Variants in RHBDD1 observed in about 807,000 individuals in gnomAD.
The protein encoded by RHBDD1 is rhomboid domain containing 1.
RHBDD1 carries 38 observed loss-of-function variants against 36.3 expected under a neutral mutation model. That is an observed-to-expected ratio of 1.05 (90% CI 0.81 to 1.37). The LOEUF is 1.37. Ranked by LOEUF, RHBDD1 falls within the 40% of genes most tolerant of loss-of-function variation. The pLI is 0.00. For synonymous variants in RHBDD1, 151 were observed against 136.5 expected (o/e 1.11, Z -0.74); for missense variants, 393 against 377.6 (o/e 1.04, Z -0.34).
Position 226,840,088 on chromosome 2 carries a change from G to A in RHBDD1, c.-91+461G>A, listed in dbSNP as rs559393250. On this transcript the variant is annotated intron_variant, in intron 3 of 8. Coordinates refer to ENST00000392062, the MANE Select transcript of RHBDD1 (RefSeq NM_001167608.3). Reference sequence around the variant, plus strand: ...TATTTGTTAGATTGTTACTAATAGTGGTAGTTAGTGATATTACATTGTCTT... The same window carrying A: ...TATTTGTTAGATTGTTACTAATAGTAGTAGTTAGTGATATTACATTGTCTT... 1.7e-3 allele frequency among the ~76,000 whole-genome samples: 254 copies of A among 152,264 alleles called. 3 individuals are homozygous for A. The South Asian group carries it at 0.043, about 26-fold the overall frequency.
intron 8 of RHBDD1, among the ~76,000 whole-genome samples, chr2:226,942,903 T>C (rs368075438): frequency 2.6e-5 from 4 of 152,240 alleles, no homozygotes; most frequent in African/African-American, 9.6e-5. Flanking sequence ...GTTGAGCTAT[T>C]TCCCATTACT....
intron 3 of RHBDD1, among the ~76,000 whole-genome samples, chr2:226,845,844 G>T (rs926063692): frequency 6.6e-6 from 1 of 152,230 alleles, no homozygotes; most frequent in Non-Finnish European, 1.5e-5. Flanking sequence ...ACAGGAAGCT[G>T]ATCTGTGTAA....
intron 8 of RHBDD1, among the ~76,000 whole-genome samples, chr2:226,953,275 T>TA (rs1213696588): frequency 6.6e-6 from 1 of 152,196 alleles, no homozygotes; most frequent in Non-Finnish European, 1.5e-5. Flanking sequence ...GAGCACCAGT[T>TA]AGAGACGATT....
At chr2:226,990,645 GTAAAATGCAGAGGCTACTGCATTTTACA>G (rs1224902836) in intron 8 of RHBDD1, among the ~76,000 whole-genome samples, 1 of 152,172 alleles carries the variant, frequency 6.6e-6, no homozygotes, top group Non-Finnish European at 1.5e-5. Context: ...TCCCTTAGAT[GTAAAATGCAGAGGCTACTGCATTTTACA>G]TAAGGGTAGA....
At chr2:226,871,023 C>T (rs972083781) in intron 5 of RHBDD1, among the ~76,000 whole-genome samples, 2 of 152,064 alleles carry the variant, frequency 1.3e-5, no homozygotes, top group Non-Finnish European at 2.9e-5. Context: ...GAAAGCATTA[C>T]CCCCTAGGCT....
intron 5 of RHBDD1, among the ~76,000 whole-genome samples, chr2:226,899,811 G>C (rs1163783914): frequency 1.3e-5 from 2 of 152,172 alleles, no homozygotes; most frequent in African/African-American, 4.8e-5. Flanking sequence ...AAAGAACTAT[G>C]AAACATTGTA....
chr2:226,829,880 T>C, the RHBDD1 span, among the ~76,000 whole-genome samples: 2 of 152,182 alleles, frequency 1.3e-5, no homozygotes, highest in African/African-American at 4.8e-5. Flanking sequence ...AAACCTCCAG[T>C]ACAACATAAG....
Position 226,867,234 on chromosome 2 carries a change from G to C in RHBDD1, c.482G>C (p.Gly161Ala). Residue 161 changes from glycine to alanine, a missense_variant, in exon 5 of 9, where the codon GGC becomes GCC. Transcript: ENST00000392062. ...KVLNNHYCPGGFVNILGFPVP... is the reference protein window; with the variant it reads ...KVLNNHYCPGAFVNILGFPVP... ...CTTAACAACCATTATTGCCCTGGAG[G>C]CTTTGTCAACATTTTGGGCTTTCCT... 2 of 1,613,216 alleles carry C rather than the reference G, an allele frequency of 1.2e-6. No individual in the cohort carries two copies. Among genetic ancestry groups the C allele is most frequent in the South Asian group, 1.1e-5 (1 of 90,886 alleles).
chr2:226,852,143 G>T (rs562885267), intron 3 of RHBDD1, among the ~76,000 whole-genome samples: 102 of 152,292 alleles, frequency 6.7e-4, no homozygotes, highest in Admixed American at 2.1e-3. Flanking sequence ...GGATAGAACT[G>T]ATGATCAAGT....
intron 3 of RHBDD1, among the ~76,000 whole-genome samples, chr2:226,844,909 T>G (rs1044937711): frequency 6.6e-6 from 1 of 152,326 alleles, no homozygotes; most frequent in Admixed American, 6.5e-5. Context: ...ATCTGGTAAT[T>G]TCATTTTTTA....
At chr2:226,944,104 T>C (rs566707765) in intron 8 of RHBDD1, among the ~76,000 whole-genome samples, 6 of 152,306 alleles carry the variant, frequency 3.9e-5, no homozygotes, top group Non-Finnish European at 8.8e-5. Context: ...GAGTGCCTCT[T>C]AAATCAGTTG....
Position 226,943,189 on chromosome 2 carries a change from G to A in RHBDD1, c.856+28838G>A, listed in dbSNP as rs182092507. Among the ~76,000 whole-genome samples the A allele has an allele frequency of 1.6e-3, 240 of 152,278 alleles. 1 individual carries two copies. The highest frequency in any genetic ancestry group is 3.4e-3 in the Middle Eastern group (1 of 294). ...ATGGAGAGCCAGATGTGAGAGTCAC[G>A]TATTTGTGTATCTTCACTAATCTCA... is the stretch of plus-strand genomic sequence containing the variant. On this transcript the variant is annotated intron_variant, in intron 8 of 8. Transcript: ENST00000392062.
At chr2:226,941,055 T>A (rs1950630448) in intron 8 of RHBDD1, among the ~76,000 whole-genome samples, 1 of 44,628 alleles carries the variant, frequency 2.2e-5, no homozygotes, top group Non-Finnish European at 4.3e-5. Flanking sequence ...CAAGCAATCC[T>A]CCTGCCTCAG....
intron 3 of RHBDD1, among the ~76,000 whole-genome samples, chr2:226,857,915 A>T (rs1275441882): frequency 6.6e-6 from 1 of 152,186 alleles, no homozygotes; most frequent in African/African-American, 2.4e-5. Flanking sequence ...ATTGAATTTT[A>T]TGGTATGTGA....
intron 5 of RHBDD1, among the ~76,000 whole-genome samples, chr2:226,897,314 GTCTGTC>G (rs1947180421): frequency 6.9e-6 from 1 of 145,098 alleles, no homozygotes; most frequent in African/African-American, 2.8e-5. Flanking sequence ...GTGTGTGTCT[GTCTGTC>G]TGTCTGTCTG....
chr2:226,873,939 C>G (rs184640477), intron 5 of RHBDD1, among the ~76,000 whole-genome samples: 60 of 152,136 alleles, frequency 3.9e-4, no homozygotes, highest in African/African-American at 1.3e-3. Flanking sequence ...CTCACAGTTC[C>G]CCATGGCTGA....
At chr2:226,867,384 T>A in intron 5 of RHBDD1, 66 bp downstream of exon 5, 2 of 1,508,580 alleles carry the variant, frequency 1.3e-6, no homozygotes, top group Non-Finnish European at 9.0e-7. Flanking sequence ...AAAATTGCAA[T>A]AATAATGAGG....
chr2:226,886,518 A>G (rs1946223305), intron 5 of RHBDD1, among the ~76,000 whole-genome samples: 1 of 152,178 alleles, frequency 6.6e-6, no homozygotes, highest in Admixed American at 6.5e-5. Flanking sequence ...GGACAGTGGA[A>G]GCTCCTCCTG....
At chr2:226,820,574 A>G in the RHBDD1 span, among the ~76,000 whole-genome samples, 6 of 140,696 alleles carry the variant, frequency 4.3e-5, no homozygotes, top group Admixed American at 7.4e-5. Context: ...TTGGGAGGCT[A>G]TGGCGGAAGG....
Sources: allele counts gnomAD v4.1 joint callset (sites outside exome capture counted in the v4.1 genomes callset), GRCh38; gene constraint gnomAD v4.1.1; transcripts MANE v1.5; gene names NCBI Gene and HGNC (gene_info 2026-07-23, HGNC 2026-07-21).